Variants in XKR4 observed in about 807,000 individuals in gnomAD.
The protein encoded by XKR4 is XK-related protein 4.
Under a neutral mutation model 53.9 loss-of-function variants are expected in XKR4, and 12 were observed. The observed-to-expected ratio is 0.22, with a 90% CI of 0.14 to 0.36. XKR4 has a LOEUF of 0.36. Among genes scored for constraint, XKR4 ranks in the 10% least tolerant of loss-of-function variants. The pLI is 1.00. For missense variants in XKR4, 799 were observed against 859.5 expected, an observed-to-expected ratio of 0.93 and a Z score of 0.88; for synonymous variants, 354 against 362.4, an observed-to-expected ratio of 0.98 and a Z score of 0.26.
chr8:55,223,097 C>T (rs1238439219), intron 1 of XKR4, among the ~76,000 whole-genome samples: 1 of 152,108 alleles, frequency 6.6e-6, no homozygotes, highest in African/African-American at 2.4e-5. Context: ...AAGTTAGGTC[C>T]TCAAAGAAAA....
At chr8:55,190,329 G>A (rs1026932508) in intron 1 of XKR4, among the ~76,000 whole-genome samples, 3 of 152,162 alleles carry the variant, frequency 2.0e-5, no homozygotes. Context: ...GTAAGACAAG[G>A]GCAATAAGGG....
chr8:55,270,362 A>C (rs1369471119), intron 1 of XKR4, among the ~76,000 whole-genome samples: 1 of 152,062 alleles, frequency 6.6e-6, no homozygotes, highest in Non-Finnish European at 1.5e-5. Context: ...CCTCCTAGTC[A>C]TCCTTCAAGT....
chr8:55,439,002 T>G (rs1215736522), intron 2 of XKR4, among the ~76,000 whole-genome samples: 2 of 151,728 alleles, frequency 1.3e-5, no homozygotes, highest in East Asian at 3.9e-4. Flanking sequence ...AGGACGGGGG[T>G]GAGGGGTTGG....
intron 2 of XKR4, among the ~76,000 whole-genome samples, chr8:55,426,210 T>C (rs1805010876): frequency 6.6e-6 from 1 of 152,242 alleles, no homozygotes. Context: ...AACTTAGATA[T>C]GGACAATTGC....
intron 1 of XKR4, among the ~76,000 whole-genome samples, chr8:55,132,454 CAAT>C (rs539574899): frequency 1.5e-3 from 228 of 152,124 alleles, no homozygotes; most frequent in African/African-American, 5.0e-3. Flanking sequence ...AAGAGATTAA[CAAT>C]AATAACTAAA....
At chr8:55,511,450 C>A (rs2129404657) in intron 2 of XKR4, among the ~76,000 whole-genome samples, 1 of 152,218 alleles carries the variant, frequency 6.6e-6, no homozygotes, top group East Asian at 1.9e-4. Context: ...CTTCCCCCAA[C>A]CAGCCCCTTG....
At chr8:55,375,757 G>C (rs987668528) in intron 2 of XKR4, among the ~76,000 whole-genome samples, 6 of 149,658 alleles carry the variant, frequency 4.0e-5, no homozygotes, top group Admixed American at 6.7e-5. Flanking sequence ...CAGGGTACAC[G>C]TGCAGGATGT....
chr8:55,450,826 C>T, intron 2 of XKR4: 1 of 495,424 alleles, frequency 2.0e-6, no homozygotes. Flanking sequence ...GATGTCCCAG[C>T]CGTCCTCCAG....
At chr8:55,400,409 G>A (rs1039290574) in intron 2 of XKR4, among the ~76,000 whole-genome samples, 2 of 152,184 alleles carry the variant, frequency 1.3e-5, no homozygotes, top group Admixed American at 6.5e-5. Context: ...GTGTCCTGAC[G>A]TGTCTGAGGT....
At chr8:55,440,706 G>C (rs1313773661) in intron 2 of XKR4, among the ~76,000 whole-genome samples, 1 of 152,114 alleles carries the variant, frequency 6.6e-6, no homozygotes, top group Non-Finnish European at 1.5e-5. Context: ...AAATTATATA[G>C]TAGAGATAGA....
intron 2 of XKR4, among the ~76,000 whole-genome samples, chr8:55,395,141 C>A (rs549036453): frequency 9.9e-5 from 15 of 151,798 alleles, no homozygotes; most frequent in Non-Finnish European, 2.2e-4. Flanking sequence ...AGGGAGGTAG[C>A]GAATCACTGA....
intron 1 of XKR4, among the ~76,000 whole-genome samples, chr8:55,132,034 A>G (rs1816562029): frequency 6.6e-6 from 1 of 152,202 alleles, no homozygotes; most frequent in Non-Finnish European, 1.5e-5. Context: ...GCACTACCAG[A>G]TCATTGGTCA....
At chr8:55,124,897 A>G (rs1394164165) in intron 1 of XKR4, among the ~76,000 whole-genome samples, 1 of 152,202 alleles carries the variant, frequency 6.6e-6, no homozygotes, top group Non-Finnish European at 1.5e-5. Flanking sequence ...AGTGCAATAT[A>G]AGATAACCAT....
intron 1 of XKR4, among the ~76,000 whole-genome samples, chr8:55,236,723 T>C (rs2129367653): frequency 6.6e-6 from 1 of 152,236 alleles, no homozygotes; most frequent in South Asian, 2.1e-4. Flanking sequence ...CAGGCCCTTT[T>C]CTCCTGTTTC....
intron 1 of XKR4, among the ~76,000 whole-genome samples, chr8:55,203,661 G>A (rs765555196): frequency 1.3e-5 from 2 of 152,138 alleles, no homozygotes; most frequent in East Asian, 3.9e-4. Context: ...TCAGCACCAC[G>A]TCCAGGCCAT....
At chr8:55,165,659 G>T (rs575735196) in intron 1 of XKR4, among the ~76,000 whole-genome samples, 4 of 152,012 alleles carry the variant, frequency 2.6e-5, no homozygotes, top group Admixed American at 6.5e-5. Flanking sequence ...CAAAAAATTA[G>T]CTGGGTGTGG....
intron 1 of XKR4, among the ~76,000 whole-genome samples, chr8:55,311,697 G>A (rs1819390918): frequency 6.6e-6 from 1 of 152,016 alleles, no homozygotes; most frequent in Non-Finnish European, 1.5e-5. Flanking sequence ...AAAAGTCATT[G>A]GGGACATATC....
chr8:55,345,034 C>T (rs965491776), intron 1 of XKR4, among the ~76,000 whole-genome samples: 1 of 152,094 alleles, frequency 6.6e-6, no homozygotes, highest in African/African-American at 2.4e-5. Flanking sequence ...CAGATCACAG[C>T]AATTTGGGAG....
intron 1 of XKR4, among the ~76,000 whole-genome samples, chr8:55,292,459 C>G (rs1819043840): frequency 6.6e-6 from 1 of 152,058 alleles, no homozygotes; most frequent in Non-Finnish European, 1.5e-5. Flanking sequence ...ATACCATTCT[C>G]TTTTATGGAT....
Sources: allele counts gnomAD v4.1 joint callset (sites outside exome capture counted in the v4.1 genomes callset), GRCh38; gene constraint gnomAD v4.1.1; transcripts MANE v1.5; gene names NCBI Gene and HGNC (gene_info 2026-07-23, HGNC 2026-07-21).